GPR137B: variants seen among roughly 807,000 people sequenced by gnomAD.
The protein encoded by GPR137B is G protein-coupled receptor 137B.
A neutral mutation model predicts 42.5 loss-of-function variants in GPR137B; 42 were observed. The observed-to-expected ratio is 0.99, with a 90% CI of 0.77 to 1.28. The LOEUF is 1.28. Among genes scored for constraint, GPR137B ranks in the 50% most tolerant of loss-of-function variants. The pLI, the probability that GPR137B is intolerant of heterozygous loss-of-function variation, is 0.00. For missense variants in GPR137B, 487 were observed against 493.9 expected (o/e 0.99, Z 0.13); for synonymous variants, 218 against 209.7 (o/e 1.04, Z -0.34).
chr1:236,208,831 A>C lies in GPR137B; in HGVS notation c.*673A>C, dbSNP rs1003516106. On this transcript the variant is annotated 3_prime_UTR_variant, in exon 7 of 7. Coordinates refer to ENST00000366592, the MANE Select transcript of GPR137B (RefSeq NM_003272.4). ...CTTCCTTTCAGTAGGGCGCTAATGT[A>C]TACACATTAATGATAAGTTGATAAC... is the stretch of plus-strand genomic sequence containing the variant. 1 of 977,068 alleles carries C rather than the reference A, an allele frequency of 1.0e-6. No homozygotes were observed. Among genetic ancestry groups the C allele is most frequent in the Non-Finnish European group, 1.2e-6 (1 of 822,418 alleles). The allele number at this position is 977,068 out of a possible 1,614,324, so 60.5% of individuals were successfully genotyped here. A position where few individuals can be genotyped will look rare whatever the true frequency, so the allele number is the denominator to read the frequency against.
chr1:236,202,441 GC>G (rs1489449502), intron 5 of GPR137B, among the ~76,000 whole-genome samples: 1 of 151,946 alleles, frequency 6.6e-6, no homozygotes, highest in African/African-American at 2.4e-5. Context: ...ATTTGCAGTG[GC>G]CTGCCGCTTC....
chr1:236,151,881 A>G (rs901216077), intron 1 of GPR137B, among the ~76,000 whole-genome samples: 1 of 152,070 alleles, frequency 6.6e-6, no homozygotes, highest in Non-Finnish European at 1.5e-5. Flanking sequence ...CTGCTGCCAC[A>G]GCTTCTTTGT....
intron 2 of GPR137B, among the ~76,000 whole-genome samples, chr1:236,178,117 T>C (rs1662741846): frequency 1.3e-5 from 2 of 152,148 alleles, no homozygotes; most frequent in Non-Finnish European, 2.9e-5. Context: ...CTCTCCACTC[T>C]TCGCTGTGAG....
At chr1:236,190,148 C>CTTTTTTTTTTTTT (rs34520510) in intron 5 of GPR137B, among the ~76,000 whole-genome samples, 1 of 119,400 alleles carries the variant, frequency 8.4e-6, no homozygotes, top group Non-Finnish European at 1.8e-5. Flanking sequence ...CCTGCTTCTT[C>CTTTTTTTTTTTTT]TTTTTTTTTT....
At chr1:236,146,253 A>G (rs1661679512) in intron 1 of GPR137B, among the ~76,000 whole-genome samples, 1 of 152,322 alleles carries the variant, frequency 6.6e-6, no homozygotes, top group Non-Finnish European at 1.5e-5. Context: ...ATCAAAGTAT[A>G]CATACAGCAC....
At chr1:236,188,886 G>C (rs185142672) in intron 5 of GPR137B, among the ~76,000 whole-genome samples, 1 of 152,316 alleles carries the variant, frequency 6.6e-6, no homozygotes, top group Admixed American at 6.5e-5. Flanking sequence ...AGTAGTTTCA[G>C]AAGGAATGGT....
Position 236,142,953 on chromosome 1 carries a change from C to A in GPR137B, c.331C>A (p.Pro111Thr), listed in dbSNP as rs1420989425. 6.2e-7 allele frequency: 1 copy of A among 1,614,166 alleles called. No individual in the cohort carries two copies. Among genetic ancestry groups the A allele is most frequent in the Non-Finnish European group, 8.5e-7 (1 of 1,179,980 alleles). Residue 111 changes from proline (P) to threonine (T), a missense_variant, in exon 1 of 7, where the codon CCC becomes ACC. Coordinates refer to ENST00000366592, the MANE Select transcript of GPR137B (RefSeq NM_003272.4). Reference protein sequence around the residue: ...KDFVAANSLSPFVFWLLYCFP... With the variant: ...KDFVAANSLSTFVFWLLYCFP... ...CTTCGTGGCGGCCAATTCGCTCAGC[C>A]CCTTCGTCTTCTGGCTGCTCTACTG... is the stretch of plus-strand genomic sequence containing the variant.
chr1:236,179,827 G>T, intron 3 of GPR137B, 52 bp from the exon 4 acceptor site: 1 of 1,398,668 alleles, frequency 7.1e-7, no homozygotes, highest in South Asian at 1.5e-5. Context: ...TGGGGAAGGG[G>T]CTGGTGTCTT....
Position 236,156,068 on chromosome 1 carries a change from G to A in GPR137B, c.415-12638G>A, listed in dbSNP as rs143069421. 6.6e-6 allele frequency among the ~76,000 whole-genome samples: 1 copy of A among 152,348 alleles called. No homozygotes were observed. The highest frequency in any genetic ancestry group is 1.9e-4 in the East Asian group (1 of 5,178). On this transcript the variant is annotated intron_variant, in intron 1 of 6. Transcript: ENST00000366592. The surrounding 1 kb of genome is among the most constrained non-coding windows in gnomAD (Gnocchi z 4.8). ...CAGGACCATGCAGCGGAGCTCTCAGGAGGGCTGGAGAAGGCTGCAAACACA... is the reference window on the plus strand; with the variant it reads ...CAGGACCATGCAGCGGAGCTCTCAGAAGGGCTGGAGAAGGCTGCAAACACA...
At chr1:236,160,754 C>T (rs539662592) in intron 1 of GPR137B, among the ~76,000 whole-genome samples, 1 of 152,100 alleles carries the variant, frequency 6.6e-6, no homozygotes, top group African/African-American at 2.4e-5. Flanking sequence ...TTGGCCAGGC[C>T]CTGTGGCAGC....
intron 2 of GPR137B, among the ~76,000 whole-genome samples, chr1:236,170,695 G>C (rs1201274427): frequency 1.3e-5 from 2 of 152,128 alleles, no homozygotes; most frequent in African/African-American, 4.8e-5. Context: ...GCATATACAG[G>C]CCGGGCACGG....
At chr1:236,172,203 T>G (rs1662556280) in intron 2 of GPR137B, among the ~76,000 whole-genome samples, 1 of 152,214 alleles carries the variant, frequency 6.6e-6, no homozygotes, top group African/African-American at 2.4e-5. Context: ...AGGCACATCT[T>G]TAGTCTCATC....
chr1:236,176,634 G>A (rs1285514370), intron 2 of GPR137B, among the ~76,000 whole-genome samples: 2 of 152,152 alleles, frequency 1.3e-5, no homozygotes, highest in Non-Finnish European at 2.9e-5. Context: ...GTGACGGGTC[G>A]TTTTCCCACT....
chr1:236,200,210 A>G (rs1220696741), intron 5 of GPR137B, among the ~76,000 whole-genome samples: 1 of 151,960 alleles, frequency 6.6e-6, no homozygotes, highest in African/African-American at 2.4e-5. Context: ...GTGGTCTGAG[A>G]GAGTACTTGA....
At chr1:236,166,118 TTTC>T (rs1662346509) in intron 1 of GPR137B, among the ~76,000 whole-genome samples, 1 of 152,230 alleles carries the variant, frequency 6.6e-6, no homozygotes, top group African/African-American at 2.4e-5. Flanking sequence ...AATTCTGTAG[TTTC>T]TTCTTCTCAC....
intron 5 of GPR137B, among the ~76,000 whole-genome samples, chr1:236,192,811 A>T (rs1663231853): frequency 6.6e-6 from 1 of 152,064 alleles, no homozygotes; most frequent in Non-Finnish European, 1.5e-5. Flanking sequence ...ATATGTTTTT[A>T]TCGCTGTATG....
intron 1 of GPR137B, among the ~76,000 whole-genome samples, chr1:236,166,708 G>A (rs1199695596): frequency 6.6e-6 from 1 of 151,978 alleles, no homozygotes; most frequent in African/African-American, 2.4e-5. Context: ...GGAATGGCCG[G>A]GCACAGTGGC....
intron 1 of GPR137B, among the ~76,000 whole-genome samples, chr1:236,160,469 T>C (rs1431632167): frequency 1.3e-5 from 2 of 152,046 alleles, no homozygotes; most frequent in African/African-American, 4.8e-5. Flanking sequence ...GCTGCCTCAG[T>C]TTCTCAGCCC....
At chr1:236,205,574 C>T (rs868197746) in intron 6 of GPR137B, among the ~76,000 whole-genome samples, 2 of 152,206 alleles carry the variant, frequency 1.3e-5, no homozygotes, top group Non-Finnish European at 2.9e-5. Flanking sequence ...GGGTCTCACT[C>T]TGTTGCCCGG....
Sources: gnomAD v4.1 joint callset for allele counts (sites outside exome capture counted in the v4.1 genomes callset) on GRCh38, gnomAD v4.1.1 for gene constraint, Gnocchi (gnomAD v3.1) non-coding constraint, MANE v1.5 for transcripts, NCBI Gene and HGNC (gene_info 2026-07-23, HGNC 2026-07-21) for gene names.